Variants in ELP3 observed in about 807,000 individuals in gnomAD.
ELP3 encodes elongator acetyltransferase complex subunit 3.
Under a neutral mutation model 74.9 loss-of-function variants are expected in ELP3, and 56 were observed. The observed-to-expected ratio is 0.75, with a 90% CI of 0.60 to 0.93. The LOEUF (loss-of-function observed/expected upper bound fraction) is 0.93, where lower values mean the gene tolerates loss of function less well. Ranked by LOEUF, ELP3 falls within the 40% of genes least tolerant of loss-of-function variation. The probability of loss-of-function intolerance (pLI) is 0.00; values close to 1 mark genes in which losing one functional copy is unlikely to be tolerated. For synonymous variants in ELP3, 222 were observed against 239.8 expected, an observed-to-expected ratio of 0.93 and a Z score of 0.68; for missense variants, 573 against 686.5, an observed-to-expected ratio of 0.83 and a Z score of 1.85.
chr8:28,172,125 G>A (rs573076942), intron 14 of ELP3, among the ~76,000 whole-genome samples: 19 of 152,076 alleles, frequency 1.2e-4, no homozygotes, highest in African/African-American at 3.1e-4. Context: ...TGTTTTTGGC[G>A]ATCCCGGGTT....
At position 28,147,281 on chromosome 8, in the gene ELP3, C is replaced by T. The variant is rs980875533; in HGVS notation, c.1101-8661C>T. Among the ~76,000 whole-genome samples the T allele has an allele frequency of 6.6e-6, 1 of 152,206 alleles. No homozygotes were observed. Among genetic ancestry groups the T allele is most frequent in the Non-Finnish European group, 1.5e-5 (1 of 68,034 alleles). ...TCCCCTTACCTTCCCATCCCCTCTT[C>T]CCACTGCCTGTGGAGACAGTGCACC... is the stretch of plus-strand genomic sequence containing the variant. On this transcript the variant is annotated intron_variant, in intron 10 of 14. Transcript: ENST00000256398. The surrounding 1 kb of genome is among the most constrained non-coding windows in gnomAD (Gnocchi z 4.5).
intron 14 of ELP3, among the ~76,000 whole-genome samples, chr8:28,177,831 C>T (rs1469712988): frequency 6.6e-6 from 1 of 152,194 alleles, no homozygotes; most frequent in African/African-American, 2.4e-5. Flanking sequence ...AGAGATAAAA[C>T]TCTTCAATTT....
At chr8:28,115,547 T>G (rs573576786) in intron 7 of ELP3, among the ~76,000 whole-genome samples, 11 of 152,142 alleles carry the variant, frequency 7.2e-5, no homozygotes, top group Admixed American at 7.2e-4. Context: ...GTGGGCCAGG[T>G]GTTGTCATGG....
intron 9 of ELP3, 92 bp downstream of exon 9, chr8:28,132,496 C>G (rs1812821168): frequency 1.8e-5 from 28 of 1,535,930 alleles, no homozygotes; most frequent in Middle Eastern, 3.6e-4. Context: ...TGATGTTTTC[C>G]AGTGTTAAAG....
intron 4 of ELP3, among the ~76,000 whole-genome samples, chr8:28,107,187 G>T (rs1395950804): frequency 7.2e-5 from 11 of 152,230 alleles, no homozygotes. Flanking sequence ...GGTGGAGGTT[G>T]CAGTGAGCCG....
intron 1 of ELP3, among the ~76,000 whole-genome samples, chr8:28,094,573 G>A (rs1024042939): frequency 1.3e-5 from 2 of 152,038 alleles, no homozygotes; most frequent in Non-Finnish European, 2.9e-5. Context: ...ACAAAAATTA[G>A]CCGGGCGTGG....
At chr8:28,093,391 T>C in intron 1 of ELP3, 158 bp downstream of exon 1, 2 of 1,011,192 alleles carry the variant, frequency 2.0e-6, no homozygotes, top group South Asian at 1.7e-5. Context: ...CCCCGAGCCT[T>C]CTCGTTTTTC....
At chr8:28,091,746 G>A (rs1811060542), upstream of ELP3, among the ~76,000 whole-genome samples, 2 of 152,300 alleles carry the variant, frequency 1.3e-5, no homozygotes, top group South Asian at 2.1e-4. Flanking sequence ...ACAGGTCTCA[G>A]TCTGGAGGTT....
chr8:28,190,301 C>G lies in ELP3; in HGVS notation c.*576C>G. ...CAGTGTGACTGGGAAAGAGGAATTG[C>G]AGTTGTGGGGGTGTGAGCCTGGCAG... is the stretch of plus-strand genomic sequence containing the variant. On this transcript the variant is annotated 3_prime_UTR_variant, in exon 15 of 15. Coordinates refer to ENST00000256398, the MANE Select transcript of ELP3 (RefSeq NM_018091.6). 1 of 152,206 alleles carries G rather than the reference C, an allele frequency of 6.6e-6. No individual in the cohort carries two copies. The highest frequency in any genetic ancestry group is 1.5e-5 in the Non-Finnish European group (1 of 68,066). The allele number at this position is 152,206 out of a possible 1,614,324, so 9.4% of individuals were successfully genotyped here.
rs775580720 is a variant in ELP3 at position 28,097,277 on chromosome 8, G to T, written c.78G>T (p.Leu26=). The T allele has an allele frequency of 6.2e-7, 1 of 1,614,006 alleles. No homozygotes were observed. Among genetic ancestry groups the T allele is most frequent in the Non-Finnish European group, 8.5e-7 (1 of 1,179,936 alleles). The change falls in exon 2 of 15, where the codon CTG becomes CTT. Residue 26 remains leucine, a synonymous_variant. Coordinates refer to ENST00000256398, the MANE Select transcript of ELP3 (RefSeq NM_018091.6). ...CTATAGGAGATGTTATTAAACAACT[G>T]ATTGAAGCCCACGAGCAGGGGAAAG... ...MLTIGDVIKQ[L]IEAHEQGKDI... is the part of the protein sequence containing the mutation.
intron 3 of ELP3, among the ~76,000 whole-genome samples, chr8:28,103,586 T>C (rs952655578): frequency 2.0e-5 from 3 of 152,256 alleles, no homozygotes; most frequent in Non-Finnish European, 4.4e-5. Context: ...GTAGATCATA[T>C]AGTAAGACTA....
At chr8:28,158,539 A>G (rs766519908) in intron 11 of ELP3, 29 bp from the exon 12 acceptor site, 1 of 1,574,324 alleles carries the variant, frequency 6.4e-7, no homozygotes, top group South Asian at 1.1e-5. Flanking sequence ...CCACCCCCCA[A>G]CCCCGCTCAC....
intron 14 of ELP3, among the ~76,000 whole-genome samples, chr8:28,179,631 T>G (rs1056432222): frequency 4.6e-5 from 7 of 152,204 alleles, no homozygotes; most frequent in Non-Finnish European, 1.0e-4. Context: ...AGCTCCAAGC[T>G]TATTTTCCTG....
intron 14 of ELP3, among the ~76,000 whole-genome samples, chr8:28,189,359 C>CCAACACA (rs1210991980): frequency 6.6e-6 from 1 of 152,228 alleles, no homozygotes; most frequent in Non-Finnish European, 1.5e-5. Flanking sequence ...TACGCAGGCT[C>CCAACACA]CAACACACGG....
intron 14 of ELP3, among the ~76,000 whole-genome samples, chr8:28,171,127 T>TA (rs748113338): frequency 7.2e-5 from 11 of 152,346 alleles, no homozygotes; most frequent in Non-Finnish European, 1.0e-4. Context: ...TTTTGGCTAT[T>TA]GTCAATAATA....
At chr8:28,117,012 T>C (rs1289253188) in intron 7 of ELP3, among the ~76,000 whole-genome samples, 1 of 152,168 alleles carries the variant, frequency 6.6e-6, no homozygotes, top group African/African-American at 2.4e-5. Context: ...CAGGGACATC[T>C]ATGAAGATAA....
chr8:28,165,962 A>G (rs933738666), intron 14 of ELP3, among the ~76,000 whole-genome samples: 1 of 152,226 alleles, frequency 6.6e-6, no homozygotes, highest in Non-Finnish European at 1.5e-5. Context: ...CATTTATCAA[A>G]ATCAAATGAA....
chr8:28,151,979 G>A (rs1164642512), intron 10 of ELP3, among the ~76,000 whole-genome samples: 1 of 152,176 alleles, frequency 6.6e-6, no homozygotes, highest in African/African-American at 2.4e-5. Context: ...GCCTCCAGCA[G>A]TTCATCGGTT....
At chr8:28,133,670 T>C (rs879433409) in intron 9 of ELP3, among the ~76,000 whole-genome samples, 1 of 152,206 alleles carries the variant, frequency 6.6e-6, no homozygotes, top group Non-Finnish European at 1.5e-5. Flanking sequence ...AAAAGTACTT[T>C]TAATTTGCTC....
Sources: allele counts gnomAD v4.1 joint callset (sites outside exome capture counted in the v4.1 genomes callset), GRCh38; gene constraint gnomAD v4.1.1; non-coding constraint Gnocchi (gnomAD v3.1); transcripts MANE v1.5; gene names NCBI Gene and HGNC (gene_info 2026-07-23, HGNC 2026-07-21).